The following ADAM10 variants were observed in gnomAD, a reference collection of about 807,000 sequenced individuals.
ADAM10 encodes the protein ADAM metallopeptidase domain 10.
A neutral mutation model predicts 90.1 loss-of-function variants in ADAM10; 17 were observed. That is an observed-to-expected ratio of 0.19 (90% CI 0.13 to 0.28). The LOEUF is 0.28. ADAM10 is among the 10% of genes least tolerant of loss of function. The pLI, the probability that ADAM10 is intolerant of heterozygous loss-of-function variation, is 1.00. For missense variants in ADAM10, 610 were observed against 914.3 expected (o/e 0.67, Z 4.29); for synonymous variants, 310 against 298.6 (o/e 1.04, Z -0.40).
chr15:58,709,873 C>T (rs1387600669), intron 2 of ADAM10, among the ~76,000 whole-genome samples: 1 of 152,206 alleles, frequency 6.6e-6, no homozygotes, highest in Non-Finnish European at 1.5e-5. Flanking sequence ...CACGCTCTTA[C>T]TTCCATACCC....
chr15:58,736,872 G>T (rs1287245797), intron 1 of ADAM10, among the ~76,000 whole-genome samples: 4 of 151,870 alleles, frequency 2.6e-5, no homozygotes, highest in Non-Finnish European at 4.4e-5. Context: ...TTGGGAAGTC[G>T]AAAGTGATTG....
At chr15:58,640,190 G>A (rs1457843521) in intron 8 of ADAM10, among the ~76,000 whole-genome samples, 1 of 152,232 alleles carries the variant, frequency 6.6e-6, no homozygotes, top group Non-Finnish European at 1.5e-5. Context: ...AGACTCGGCA[G>A]AGTATGAACC....
At chr15:58,609,468 AAAC>A (rs1169186235) in intron 14 of ADAM10, 5 of 152,188 alleles carry the variant, frequency 3.3e-5, no homozygotes, top group Admixed American at 2.0e-4. Context: ...CATCCCACAC[AAAC>A]AACATCTTTT....
At chr15:58,711,314 T>C (rs2140806156) in intron 2 of ADAM10, among the ~76,000 whole-genome samples, 1 of 152,342 alleles carries the variant, frequency 6.6e-6, no homozygotes, top group African/African-American at 2.4e-5. Context: ...TATGGTTTAT[T>C]ACTGACTAGT....
At chr15:58,746,212 A>G (rs544571652) in intron 1 of ADAM10, among the ~76,000 whole-genome samples, 6 of 152,306 alleles carry the variant, frequency 3.9e-5, no homozygotes, top group South Asian at 2.1e-4. Flanking sequence ...CCCCTCTCTC[A>G]TAACTGTTGA....
chr15:58,706,374 C>G (rs1898289491), intron 2 of ADAM10, among the ~76,000 whole-genome samples: 1 of 152,122 alleles, frequency 6.6e-6, no homozygotes, highest in Non-Finnish European at 1.5e-5. Context: ...CTAGGAGTAA[C>G]TGTACTTAAC....
At chr15:58,684,423 AAAT>A (rs1270322173) in intron 2 of ADAM10, among the ~76,000 whole-genome samples, 1 of 152,250 alleles carries the variant, frequency 6.6e-6, no homozygotes, top group Admixed American at 6.5e-5. Flanking sequence ...CAGAAAGATC[AAAT>A]AATAAGAGCA....
chr15:58,664,172 T>A (rs1291029251), intron 5 of ADAM10, among the ~76,000 whole-genome samples: 15 of 152,054 alleles, frequency 9.9e-5, no homozygotes, highest in Non-Finnish European at 2.1e-4. Flanking sequence ...TCCTACTTAT[T>A]CTTAAGGTCT....
intron 11 of ADAM10, among the ~76,000 whole-genome samples, chr15:58,613,534 T>C (rs1258822527): frequency 2.6e-5 from 4 of 151,822 alleles, no homozygotes; most frequent in African/African-American, 9.7e-5. Context: ...CAAGAAAATA[T>C]AGATAAAAAA....
Position 58,593,376 on chromosome 15 carries a change from T to A in ADAM10, c.*4171A>T, listed in dbSNP as rs1894873082. On this transcript the variant is annotated 3_prime_UTR_variant, in exon 16 of 16. Coordinates refer to ENST00000260408, the MANE Select transcript of ADAM10 (RefSeq NM_001110.4). ...ACAAGCATGTGCCACCACGCCCAGC[T>A]GTATTTTTAGTAGAGACGGGGTTTC... 6.6e-6 allele frequency: 1 copy of A among 152,062 alleles called. No individual in the cohort carries two copies. Among genetic ancestry groups the A allele is most frequent in the Admixed American group, 6.6e-5 (1 of 15,256 alleles). 9.4% of individuals were successfully genotyped at this position (152,062 alleles called of 1,614,324 possible).
intron 11 of ADAM10, among the ~76,000 whole-genome samples, chr15:58,615,236 T>C (rs549569224): frequency 7.4e-6 from 1 of 134,516 alleles, no homozygotes; most frequent in Non-Finnish European, 1.5e-5. Context: ...ATTGCACCAC[T>C]GCACTCGAGC....
chr15:58,685,545 A>AAT (rs56776777), intron 2 of ADAM10, among the ~76,000 whole-genome samples: 8,250 of 115,364 alleles, frequency 0.072, 476 homozygotes, highest in Non-Finnish European at 0.11. Flanking sequence ...TATGAAGGAG[A>AAT]ATATATATAT....
intron 14 of ADAM10, among the ~76,000 whole-genome samples, chr15:58,604,589 T>C (rs1895215571): frequency 6.6e-6 from 1 of 152,188 alleles, no homozygotes; most frequent in Admixed American, 6.5e-5. Flanking sequence ...AAGTAAGTCA[T>C]TATTTAAATA....
intron 2 of ADAM10, among the ~76,000 whole-genome samples, chr15:58,701,789 G>C (rs1339279178): frequency 6.6e-6 from 1 of 152,050 alleles, no homozygotes; most frequent in Non-Finnish European, 1.5e-5. Context: ...ATACACAATG[G>C]AGTACAATTT....
intron 1 of ADAM10, among the ~76,000 whole-genome samples, chr15:58,739,350 CAAA>C: frequency 9.9e-6 from 1 of 100,586 alleles, no homozygotes. Flanking sequence ...ACCAAAAATA[CAAA>C]AAAAAAAAAA....
chr15:58,610,114 C>A, intron 14 of ADAM10, 183 bp downstream of exon 14: 1 of 662,336 alleles, frequency 1.5e-6, no homozygotes, highest in Admixed American at 2.3e-5. Flanking sequence ...GAATGATACA[C>A]ATGATTCTGA....
chr15:58,600,523 T>C (rs1332842925), intron 14 of ADAM10, among the ~76,000 whole-genome samples: 1 of 152,126 alleles, frequency 6.6e-6, no homozygotes, highest in African/African-American at 2.4e-5. Context: ...TTCATTAGTT[T>C]ATAGGCTATC....
chr15:58,614,455 G>A (rs1331762426), intron 11 of ADAM10, among the ~76,000 whole-genome samples: 10 of 152,052 alleles, frequency 6.6e-5, no homozygotes, highest in Non-Finnish European at 1.3e-4. Context: ...CACATATAAG[G>A]GAGCATCTAT....
At chr15:58,739,767 C>A (rs1899545939) in intron 1 of ADAM10, among the ~76,000 whole-genome samples, 1 of 152,134 alleles carries the variant, frequency 6.6e-6, no homozygotes, top group Non-Finnish European at 1.5e-5. Context: ...AATTTTACTA[C>A]AGCAATATTC....
Sources: allele counts gnomAD v4.1 joint callset (sites outside exome capture counted in the v4.1 genomes callset), GRCh38; gene constraint gnomAD v4.1.1; transcripts MANE v1.5; gene names NCBI Gene and HGNC (gene_info 2026-07-23, HGNC 2026-07-21).